SHLD1: variants seen among roughly 807,000 people sequenced by gnomAD.
SHLD1 encodes the protein RINN1-REV7-interacting novel NHEJ regulator 3.
A neutral mutation model predicts 5.5 loss-of-function variants in SHLD1; 3 were observed. The observed-to-expected ratio is 0.54, with a 90% CI of 0.25 to 1.40. The LOEUF is 1.40. Ranked by LOEUF, SHLD1 falls within the 40% of genes most tolerant of loss-of-function variation. The probability of loss-of-function intolerance (pLI) is 0.15; values close to 1 mark genes in which losing one functional copy is unlikely to be tolerated. For synonymous variants in SHLD1, 92 were observed against 94.3 expected (o/e 0.98, Z 0.14); for missense variants, 210 against 244.4 (o/e 0.86, Z 0.94).
chr20:5,852,526 T>C (rs2088025118), intron 2 of SHLD1, among the ~76,000 whole-genome samples: 1 of 152,094 alleles, frequency 6.6e-6, no homozygotes, highest in Non-Finnish European at 1.5e-5. Context: ...TGGTGTGATC[T>C]GCAACCTCCA....
intron 2 of SHLD1, among the ~76,000 whole-genome samples, chr20:5,812,920 G>T (rs2087479280): frequency 1.3e-5 from 2 of 151,818 alleles, no homozygotes; most frequent in South Asian, 4.2e-4. Context: ...TGTCACCCAG[G>T]CTGGAGTGCA....
chr20:5,755,578 A>G (rs1384801182), intron 1 of SHLD1, among the ~76,000 whole-genome samples: 1 of 147,632 alleles, frequency 6.8e-6, no homozygotes, highest in Admixed American at 6.8e-5. Flanking sequence ...TTTTTTTTTG[A>G]GATGGAGTTT....
At chr20:5,833,844 A>G (rs558936804) in intron 2 of SHLD1, among the ~76,000 whole-genome samples, 1 of 152,322 alleles carries the variant, frequency 6.6e-6, no homozygotes, top group Admixed American at 6.5e-5. Context: ...TGTCCAGAAA[A>G]GAGAAAAGAA....
intron 2 of SHLD1, among the ~76,000 whole-genome samples, chr20:5,810,674 A>G (rs2087446589): frequency 6.6e-6 from 1 of 152,078 alleles, no homozygotes; most frequent in Non-Finnish European, 1.5e-5. Context: ...TAAGCAGATC[A>G]CTTGAGATCA....
At position 5,778,621 on chromosome 20, in the gene SHLD1, A is replaced by T. The variant is rs1253851983; in HGVS notation, c.178+5578A>T. 2.0e-5 allele frequency among the ~76,000 whole-genome samples: 3 copies of T among 151,558 alleles called. No homozygotes were observed. The East Asian group carries it at 5.8e-4, about 29-fold the overall frequency. On this transcript the variant is annotated intron_variant, in intron 2 of 2. Coordinates refer to ENST00000303142, the MANE Select transcript of SHLD1 (RefSeq NM_152504.4). Reference sequence around the variant, plus strand: ...GACCTTGTCAAAAAAAAAAAAAAAAATAAGGACCAGATCACCCAGAGCTTC... The same window carrying T: ...GACCTTGTCAAAAAAAAAAAAAAAATTAAGGACCAGATCACCCAGAGCTTC...
intron 2 of SHLD1, among the ~76,000 whole-genome samples, chr20:5,815,541 A>C (rs1340807968): frequency 6.6e-6 from 1 of 152,228 alleles, no homozygotes; most frequent in Non-Finnish European, 1.5e-5. Flanking sequence ...CTGCAAGCTA[A>C]TAATGACTTT....
chr20:5,839,530 A>AGAT lies in SHLD1; in HGVS notation c.179-23493_179-23491dup, dbSNP rs1394956896. 9.0e-5 allele frequency among the ~76,000 whole-genome samples: 13 copies of AGAT among 143,912 alleles called. No homozygotes were observed. The South Asian group carries it at 1.1e-3, about 12-fold the overall frequency. 94.4% of individuals were successfully genotyped at this position (143,912 alleles called of 152,430 possible). On this transcript the variant is annotated intron_variant, in intron 2 of 2. Transcript: ENST00000303142. Reference sequence around the variant, plus strand: ...ATAGATAGATAGATAGATAGATGATAGATAGACAGATAGACAGAAAAGCAG... The same window carrying AGAT: ...ATAGATAGATAGATAGATAGATGATAGATGATAGACAGATAGACAGAAAAGCAG...
chr20:5,845,773 A>T (rs2122479993), intron 2 of SHLD1, among the ~76,000 whole-genome samples: 1 of 152,248 alleles, frequency 6.6e-6, no homozygotes, highest in African/African-American at 2.4e-5. Flanking sequence ...TCCCCTGAGG[A>T]TGGAGATTTG....
chr20:5,764,589 C>T (rs1488181245), intron 1 of SHLD1, among the ~76,000 whole-genome samples: 1 of 150,618 alleles, frequency 6.6e-6, no homozygotes. Flanking sequence ...GTCCCAACTA[C>T]TCAGGAAGCC....
chr20:5,858,211 G>A (rs2088115483), intron 2 of SHLD1, among the ~76,000 whole-genome samples: 1 of 152,028 alleles, frequency 6.6e-6, no homozygotes, highest in Non-Finnish European at 1.5e-5. Flanking sequence ...GGACAATCAA[G>A]CAGGGTGGGT....
At chr20:5,810,020 A>G (rs2087436750) in intron 2 of SHLD1, among the ~76,000 whole-genome samples, 1 of 152,016 alleles carries the variant, frequency 6.6e-6, no homozygotes, top group African/African-American at 2.4e-5. Context: ...GCACTTTGGG[A>G]GGCCGAGGCA....
At chr20:5,756,689 C>CTTTTTTTTTTTTTTTTT (rs35462391) in intron 1 of SHLD1, 11 of 80,356 alleles carry the variant, frequency 1.4e-4, no homozygotes, top group Non-Finnish European at 1.8e-4. Flanking sequence ...TTCTTTCTTT[C>CTTTTTTTTTTTTTTTTT]TTTTTTTTTT....
At chr20:5,801,291 G>A (rs1190718689) in intron 2 of SHLD1, among the ~76,000 whole-genome samples, 2 of 152,084 alleles carry the variant, frequency 1.3e-5, no homozygotes, top group East Asian at 3.9e-4. Context: ...GGTCAGACTA[G>A]TCTCAAACTC....
intron 2 of SHLD1, among the ~76,000 whole-genome samples, chr20:5,779,566 C>A (rs962521927): frequency 6.6e-6 from 1 of 152,170 alleles, no homozygotes; most frequent in Non-Finnish European, 1.5e-5. Flanking sequence ...CTCTACTGGG[C>A]CACCATTCTA....
At position 5,855,283 on chromosome 20, in the gene SHLD1, T is replaced by C. The variant is rs913838440; in HGVS notation, c.179-7741T>C. ...TTCACTTAGCATAATGTCCTCAGGGTTCGTTCATGTTGTAGCGTGTGTCAC... is the reference window on the plus strand; with the variant it reads ...TTCACTTAGCATAATGTCCTCAGGGCTCGTTCATGTTGTAGCGTGTGTCAC... On this transcript the variant is annotated intron_variant, in intron 2 of 2. Coordinates refer to ENST00000303142, the MANE Select transcript of SHLD1 (RefSeq NM_152504.4). This position sits in a 1 kb window ranked among gnomAD's most constrained non-coding sequence, Gnocchi z 4.4. Among the ~76,000 whole-genome samples, 2 of 152,150 alleles carry C rather than the reference T, an allele frequency of 1.3e-5. No individual in the cohort carries two copies. Among genetic ancestry groups the C allele is most frequent in the Admixed American group, 1.3e-4 (2 of 15,284 alleles).
intron 1 of SHLD1, among the ~76,000 whole-genome samples, chr20:5,757,296 C>T (rs940147859): frequency 6.6e-6 from 1 of 151,498 alleles, no homozygotes; most frequent in Non-Finnish European, 1.5e-5. Flanking sequence ...AGGCTGGTCT[C>T]GAATTCCTGG....
intron 2 of SHLD1, among the ~76,000 whole-genome samples, chr20:5,838,152 C>A (rs1367105896): frequency 5.3e-5 from 8 of 152,154 alleles, no homozygotes; most frequent in Admixed American, 1.3e-4. Flanking sequence ...AAGGGAAGCA[C>A]CTGTGTATCT....
intron 2 of SHLD1, among the ~76,000 whole-genome samples, chr20:5,816,764 TTTTCC>T (rs1030734682): frequency 2.6e-4 from 39 of 152,310 alleles, no homozygotes; most frequent in African/African-American, 9.4e-4. Flanking sequence ...ATACATTATG[TTTTCC>T]TTTAAGACCC....
Position 5,819,826 on chromosome 20 carries a change from AAAC to A in SHLD1, c.179-43189_179-43187del, listed in dbSNP as rs370498246. Among the ~76,000 whole-genome samples the A allele has an allele frequency of 2.0e-3, 307 of 152,336 alleles. 1 individual carries two copies. Among genetic ancestry groups the A allele is most frequent in the African/African-American group, 6.2e-3 (259 of 41,574 alleles). On this transcript the variant is annotated intron_variant, in intron 2 of 2. Coordinates refer to ENST00000303142, the MANE Select transcript of SHLD1 (RefSeq NM_152504.4). ...GACAGCGTGAGACCCAGTCTCTTAA[AAAC>A]AACAACAATAAAATCATCATGTAAC...
Sources: gnomAD v4.1 joint callset for allele counts (sites outside exome capture counted in the v4.1 genomes callset) on GRCh38, gnomAD v4.1.1 for gene constraint, Gnocchi (gnomAD v3.1) non-coding constraint, MANE v1.5 for transcripts, NCBI Gene and HGNC (gene_info 2026-07-23, HGNC 2026-07-21) for gene names.